WDR7: variants seen among roughly 807,000 people sequenced by gnomAD.
The protein encoded by WDR7 is WD repeat domain 7.
Under a neutral mutation model 169.4 loss-of-function variants are expected in WDR7, and 46 were observed. The ratio of observed to expected loss-of-function variants is 0.27; its 90% CI spans 0.21 to 0.35. WDR7 has a LOEUF of 0.35. Ranked by LOEUF, WDR7 falls within the 10% of genes least tolerant of loss-of-function variation. The pLI is 1.00. For missense variants in WDR7, 1,534 were observed against 1,859.3 expected (o/e 0.83, Z 3.22); for synonymous variants, 612 against 666.8 (o/e 0.92, Z 1.27).
At chr18:56,669,739 C>G (rs1306748889) in intron 1 of WDR7, among the ~76,000 whole-genome samples, 1 of 152,016 alleles carries the variant, frequency 6.6e-6, no homozygotes, top group Non-Finnish European at 1.5e-5. Context: ...GTCATTTGTT[C>G]AATCACTTTT....
At chr18:56,958,102 A>G (rs1190764096) in intron 25 of WDR7, among the ~76,000 whole-genome samples, 1 of 152,200 alleles carries the variant, frequency 6.6e-6, no homozygotes, top group Non-Finnish European at 1.5e-5. Context: ...AAAGTTATTT[A>G]GAAACTCAGG....
chr18:56,680,132 G>A (rs566717630), intron 3 of WDR7, among the ~76,000 whole-genome samples: 78 of 152,184 alleles, frequency 5.1e-4, no homozygotes, highest in African/African-American at 1.6e-3. Context: ...TGGGATGGGC[G>A]GATCACGTGA....
intron 14 of WDR7, among the ~76,000 whole-genome samples, chr18:56,736,560 C>T (rs975245413): frequency 1.3e-5 from 2 of 150,666 alleles, no homozygotes; most frequent in South Asian, 2.1e-4. Flanking sequence ...ATCATACAGA[C>T]GGATTCTAGA....
At chr18:57,010,493 CATT>C (rs939686698) in intron 26 of WDR7, among the ~76,000 whole-genome samples, 19 of 152,116 alleles carry the variant, frequency 1.2e-4, no homozygotes, top group South Asian at 2.1e-4. Flanking sequence ...CTTTTTTAAT[CATT>C]ATTGAGTCTA....
intron 26 of WDR7, among the ~76,000 whole-genome samples, chr18:56,997,717 A>G (rs1379814604): frequency 6.6e-6 from 1 of 152,198 alleles, no homozygotes; most frequent in Non-Finnish European, 1.5e-5. Flanking sequence ...TGATCTCTAG[A>G]TTCCATCTTT....
At chr18:56,788,719 C>T (rs574531618) in intron 19 of WDR7, among the ~76,000 whole-genome samples, 2 of 152,076 alleles carry the variant, frequency 1.3e-5, no homozygotes, top group Non-Finnish European at 2.9e-5. Flanking sequence ...TTCTAAAATA[C>T]CCCTTTTGTA....
At chr18:57,004,818 T>C (rs910975632) in intron 26 of WDR7, among the ~76,000 whole-genome samples, 2 of 152,206 alleles carry the variant, frequency 1.3e-5, no homozygotes, top group Admixed American at 1.3e-4. Flanking sequence ...AGTGAGCCCA[T>C]TATGACATTG....
Position 56,926,482 on chromosome 18 carries a change from G to GA in WDR7, c.3713+2376dup, listed in dbSNP as rs1365237777. Among the ~76,000 whole-genome samples the GA allele has an allele frequency of 3.9e-5, 6 of 152,288 alleles. No individual in the cohort carries two copies. In the East Asian group the frequency reaches 1.2e-3, roughly 29 times the overall value. ...TGTTTTGTTGCCTGGGAGGAGAAGT[G>GA]AAGGGCTTTTATTCAGGGTTAGTAT... On this transcript the variant is annotated intron_variant, in intron 22 of 27. Transcript: ENST00000254442.
rs1466237876 is a variant in WDR7, at chr18:57,027,347, C to T, written c.*140C>T. Reference sequence around the variant, plus strand: ...CCAGTGGCACGGCCGGGTCTTGTCACTTGTGCATGCTTCTCAGGGGCAGAA... The same window carrying T: ...CCAGTGGCACGGCCGGGTCTTGTCATTTGTGCATGCTTCTCAGGGGCAGAA... On this transcript the variant is annotated 3_prime_UTR_variant, in exon 28 of 28. Transcript: ENST00000254442. 1 of 1,019,880 alleles carries T rather than the reference C, an allele frequency of 9.8e-7. No homozygotes were observed. Among genetic ancestry groups the T allele is most frequent in the African/African-American group, 1.6e-5 (1 of 62,334 alleles). 63.2% of individuals were successfully genotyped at this position (1,019,880 alleles called of 1,614,324 possible).
intron 22 of WDR7, among the ~76,000 whole-genome samples, chr18:56,935,385 G>T (rs1016919278): frequency 6.6e-6 from 1 of 152,104 alleles, no homozygotes; most frequent in African/African-American, 2.4e-5. Context: ...CTTCCTTTCA[G>T]ATATACAACC....
chr18:56,905,629 A>G (rs1003060140), intron 21 of WDR7, among the ~76,000 whole-genome samples: 2 of 149,908 alleles, frequency 1.3e-5, no homozygotes, highest in South Asian at 2.1e-4. Context: ...GAAACTATAT[A>G]TATATATATA....
intron 14 of WDR7, among the ~76,000 whole-genome samples, chr18:56,738,873 C>A (rs1014252154): frequency 9.9e-6 from 1 of 100,636 alleles, no homozygotes; most frequent in African/African-American, 3.8e-5. Flanking sequence ...TGATTCCTAT[C>A]TTTTAATTAA....
intron 25 of WDR7, among the ~76,000 whole-genome samples, chr18:56,958,290 C>T (rs568359507): frequency 2.2e-4 from 33 of 152,240 alleles, no homozygotes; most frequent in East Asian, 1.2e-3. Flanking sequence ...CTCGGAAGAA[C>T]TGGATTGTAT....
chr18:56,694,892 TA>T, intron 10 of WDR7, 57 bp from the exon 11 acceptor site: 1 of 1,557,774 alleles, frequency 6.4e-7, no homozygotes. Context: ...TTTAATGTTT[TA>T]AATTTTTTTT....
chr18:57,030,995 C>T (rs1295641063), downstream of WDR7: 1 of 152,002 alleles, frequency 6.6e-6, no homozygotes, highest in East Asian at 1.9e-4. Context: ...TCAAAACTTA[C>T]ATTTTTGTAG....
rs752678922 is a variant in WDR7 at position 56,962,509 on chromosome 18, A to T, written c.4144A>T (p.Ile1382Phe). 1.7e-5 allele frequency: 28 copies of T among 1,612,862 alleles called. No individual in the cohort carries two copies. Among genetic ancestry groups the T allele is most frequent in the Non-Finnish European group, 2.3e-5 (27 of 1,179,300 alleles). Residue 1382 changes from isoleucine to phenylalanine, a missense_variant, in exon 26 of 28, where the codon ATC becomes TTC. By Grantham distance (21) the Ile-to-Phe change is conservative. Coordinates refer to ENST00000254442, the MANE Select transcript of WDR7 (RefSeq NM_015285.3). ...ARHGSVALYD[I>F]RTGKCQTIHG... ...CCATGGTTCAGTGGCCCTGTACGAC[A>T]TCCGGACTGGAAAATGTCAGGTAAA...
At chr18:56,924,299 G>A (rs369060934) in intron 22 of WDR7, among the ~76,000 whole-genome samples, 191 bp downstream of exon 22, 7 of 152,070 alleles carry the variant, frequency 4.6e-5, no homozygotes, top group African/African-American at 9.7e-5. Context: ...TAACACAATC[G>A]GGATTTAGCC....
chr18:56,672,247 C>T (rs1255812365), intron 1 of WDR7, among the ~76,000 whole-genome samples: 1 of 152,144 alleles, frequency 6.6e-6, no homozygotes, highest in South Asian at 2.1e-4. Context: ...GGGTAAAGAC[C>T]TGTTTATTAT....
At chr18:56,692,451 T>G (rs1399352465) in intron 9 of WDR7, among the ~76,000 whole-genome samples, 1 of 151,276 alleles carries the variant, frequency 6.6e-6, no homozygotes, top group Non-Finnish European at 1.5e-5. Flanking sequence ...TTTTTTTTTT[T>G]TTTAATTGAT....
Sources: allele counts gnomAD v4.1 joint callset (sites outside exome capture counted in the v4.1 genomes callset), GRCh38; gene constraint gnomAD v4.1.1; transcripts MANE v1.5; gene names NCBI Gene and HGNC (gene_info 2026-07-23, HGNC 2026-07-21).